The following CFAP126 variants were observed in gnomAD, a reference collection of about 807,000 sequenced individuals.
The protein encoded by CFAP126 is cilia and flagella associated protein 126, also known as protein Flattop.
Under a neutral mutation model 17.1 loss-of-function variants are expected in CFAP126, and 21 were observed. The ratio of observed to expected loss-of-function variants is 1.23; its 90% confidence interval spans 0.87 to 1.77. CFAP126 has a LOEUF of 1.77. Among genes scored for constraint, CFAP126 ranks in the 40% most tolerant of loss-of-function variants. The pLI, the probability that CFAP126 is intolerant of heterozygous loss-of-function variation, is 0.00. For synonymous variants in CFAP126, 65 were observed against 73.5 expected, an observed-to-expected ratio of 0.88 and a Z score of 0.59; for missense variants, 174 against 215.4, an observed-to-expected ratio of 0.81 and a Z score of 1.20.
intron 3 of CFAP126, 175 bp downstream of exon 3, chr1:161,366,023 A>T (rs1029450312): frequency 1.5e-6 from 1 of 654,592 alleles, no homozygotes; most frequent in Non-Finnish European, 2.7e-6. Flanking sequence ...GAAGGGTGCT[A>T]AACACAACTC....
Position 161,367,864 on chromosome 1 carries a change from G to T in CFAP126, c.5C>A (p.Ala2Asp). Residue 2 changes from alanine to aspartate, a missense_variant, in exon 1 of 5, where the codon GCC (alanine) becomes GAC (aspartate). Transcript: ENST00000367974. Reference protein sequence around the residue: MATNYSANQYEK... With the variant: MDTNYSANQYEK... ...TACCTGGTTGGCACTGTAGTTAGTG[G>T]CCATGATCTTGTGCTGTTTACACTC... is the stretch of plus-strand genomic sequence containing the variant. 1 of 1,614,028 alleles carries T rather than the reference G, an allele frequency of 6.2e-7. No homozygotes were observed. Among genetic ancestry groups the T allele is most frequent in the Non-Finnish European group, 8.5e-7 (1 of 1,179,914 alleles).
At position 161,365,641 on chromosome 1, in the gene CFAP126, C is replaced by T. The variant is rs149688361; in HGVS notation, c.233G>A (p.Arg78Gln). 1,566 of 1,613,762 alleles carry T rather than the reference C, an allele frequency of 9.7e-4. 3 individuals are homozygous for T. The highest frequency in any genetic ancestry group is 1.1e-3 in the Non-Finnish European group (1,340 of 1,179,858). Residue 78 changes from arginine (R) to glutamine (Q), a missense_variant, in exon 4 of 5, where the codon CGG (arginine) becomes CAG (glutamine). Transcript: ENST00000367974. ...WQMPLKIPPARVTLTSRTTAG... is the reference protein window; with the variant it reads ...WQMPLKIPPAQVTLTSRTTAG... ...AGTTGTACGGGAGGTCAGGGTCACC[C>T]GAGCAGGGGGTATCTTCAGAGGCAT...
In CFAP126 at chr1:161,366,282, G is replaced by A. The variant is rs746002133; in HGVS notation, c.91-4C>T. 3.1e-6 allele frequency: 5 copies of A among 1,611,954 alleles called. No individual in the cohort carries two copies. The East Asian group carries it at 8.9e-5, about 29-fold the overall frequency. On this transcript the variant is annotated splice_region_variant and splice_polypyrimidine_tract_variant and intron_variant, in intron 2 of 4. Transcript: ENST00000367974. ...AGCCTTCATGAGAAGAGATGCTCTGGGGTACAAGTGGGAGAGATAAAGGTT... is the reference window on the plus strand; with the variant it reads ...AGCCTTCATGAGAAGAGATGCTCTGAGGTACAAGTGGGAGAGATAAAGGTT...
At position 161,366,205 on chromosome 1, in the gene CFAP126, C is replaced by A; in HGVS notation, c.164G>T (p.Arg55Leu). The A allele has an allele frequency of 6.2e-7, 1 of 1,608,872 alleles. No homozygotes were observed. The highest frequency in any genetic ancestry group is 8.5e-7 in the Non-Finnish European group (1 of 1,175,298). ...DRGHLLPSVP[R>L]SKANPWGSFM... ...GTGAAGATAGTATCTCACCTTGGAA[C>A]GGGGCACAGAAGGCAGTAGATGACC... Residue 55 changes from arginine to leucine, a missense_variant, in exon 3 of 5, where the codon CGT becomes CTT. Coordinates refer to ENST00000367974, the MANE Select transcript of CFAP126 (RefSeq NM_001013625.4).
At position 161,366,126 on chromosome 1, in the gene CFAP126, G is replaced by A. The variant is rs565209469; in HGVS notation, c.171+72C>T. ...TTAATTTTCCCGATAATGGCTGTGA[G>A]AGACTGCACATCTCCCAGTTCTGTG... On this transcript the variant is annotated intron_variant, in intron 3 of 4. Coordinates refer to ENST00000367974, the MANE Select transcript of CFAP126 (RefSeq NM_001013625.4). 1.3e-4 allele frequency: 158 copies of A among 1,215,378 alleles called. No homozygotes were observed. In the African/African-American group the frequency reaches 2.1e-3, roughly 16 times the overall value. The allele number at this position is 1,215,378 out of a possible 1,614,324, so 75.3% of individuals were successfully genotyped here. A position where few individuals can be genotyped will look rare whatever the true frequency, so the allele number is the denominator to read the frequency against.
chr1:161,367,316 A>G (rs1203080474), intron 1 of CFAP126: 3 of 152,740 alleles, frequency 2.0e-5, no homozygotes, highest in African/African-American at 7.2e-5. Context: ...TATGGGCCAT[A>G]TCCATATTGC....
chr1:161,365,732 G>A, intron 3 of CFAP126, 30 bp from the exon 4 acceptor site: 9 of 1,531,886 alleles, frequency 5.9e-6, no homozygotes, highest in Non-Finnish European at 7.9e-6. Context: ...CCTCAGTAGG[G>A]CTTCTCACTC....
At chr1:161,366,318 A>G in intron 2 of CFAP126, 40 bp from the exon 3 acceptor site, 1 of 1,585,232 alleles carries the variant, frequency 6.3e-7, no homozygotes, top group South Asian at 1.1e-5. Flanking sequence ...TGTGAGGGGA[A>G]AAAGGGAAGT....
At chr1:161,365,967 T>A in intron 3 of CFAP126, 1 of 607,842 alleles carries the variant, frequency 1.6e-6, no homozygotes, top group East Asian at 2.8e-5. Flanking sequence ...TGTCATCACC[T>A]GAAGGCTTTC....
chr1:161,367,583 C>A, intron 1 of CFAP126: 1 of 394,940 alleles, frequency 2.5e-6, no homozygotes. Context: ...TGCCACTTGG[C>A]CTGCAAAGCC....
chr1:161,367,700 C>A (rs886848590), intron 1 of CFAP126, 142 bp downstream of exon 1: 21 of 804,126 alleles, frequency 2.6e-5, no homozygotes, highest in Non-Finnish European at 3.9e-5. Context: ...TGGGCTCTCT[C>A]TATCCCTGAG....
At chr1:161,365,432 T>C in intron 4 of CFAP126, 94 bp downstream of exon 4, 1 of 1,448,298 alleles carries the variant, frequency 6.9e-7, no homozygotes. Context: ...AGGTCCCCCA[T>C]GCTGGGATAG....
chr1:161,366,742 A>C, intron 1 of CFAP126: 1 of 528,430 alleles, frequency 1.9e-6, no homozygotes, highest in East Asian at 3.0e-5. Context: ...GGTGCTTTGT[A>C]AATATGAAAT....
Position 161,365,638 on chromosome 1 carries a change from A to ACC in CFAP126, c.234_235dup (p.Val79GlyfsTer2), listed in dbSNP as rs1261213475. The ACC allele has an allele frequency of 3.1e-6, 5 of 1,613,990 alleles. No homozygotes were observed. The East Asian group carries it at 1.1e-4, about 36-fold the overall frequency. The stretch of plus-strand genomic sequence containing the variant: ...AGCAGTTGTACGGGAGGTCAGGGTC[A>ACC]CCCGAGCAGGGGGTATCTTCAGAGG... On this transcript the variant is annotated frameshift_variant, in exon 4 of 5. Coordinates refer to ENST00000367974, the MANE Select transcript of CFAP126 (RefSeq NM_001013625.4). LOFTEE classifies it high-confidence loss of function.
intron 4 of CFAP126, 90 bp downstream of exon 4, chr1:161,365,436 G>T (rs1672694700): frequency 6.8e-7 from 1 of 1,463,526 alleles, no homozygotes; most frequent in African/African-American, 1.4e-5. Context: ...CCCCCATGCT[G>T]GGATAGTGGT....
rs138694874 is a variant in CFAP126, at chr1:161,365,571, A to G, written c.303T>C (p.Asp101=). The G allele has an allele frequency of 5.0e-6, 8 of 1,614,182 alleles. No homozygotes were observed. In the African/African-American group the frequency reaches 1.1e-4, roughly 22 times the overall value. The change falls in exon 4 of 5, where the codon GAT becomes GAC. Residue 101 remains aspartate (D), a synonymous_variant. Transcript: ENST00000367974. Reference sequence around the variant, plus strand: ...ACAGCCCATTGGAGGCCTTGAGTAAATCAGGATTTTTCTGTATCCATTTGG... The same window carrying G: ...ACAGCCCATTGGAGGCCTTGAGTAAGTCAGGATTTTTCTGTATCCATTTGG... ...SLTKWIQKNP[D]LLKASNGLCP... is the part of the protein sequence containing the mutation.
intron 1 of CFAP126, 25 bp from the exon 2 acceptor site, chr1:161,366,526 C>G (rs1401593905): frequency 6.2e-7 from 1 of 1,608,012 alleles, no homozygotes; most frequent in East Asian, 2.2e-5. Flanking sequence ...ATAAGTAGCC[C>G]TATGAGACTT....
At chr1:161,365,244 A>G (rs1672687932) in intron 4 of CFAP126, 94 bp from the exon 5 acceptor site, 13 of 1,277,888 alleles carry the variant, frequency 1.0e-5, no homozygotes, top group Admixed American at 2.1e-5. Context: ...CTTTCTCCCC[A>G]TACCATGGGC....
At chr1:161,366,833 G>T (rs776687139) in intron 1 of CFAP126, 3 of 314,812 alleles carry the variant, frequency 9.5e-6, no homozygotes, top group Non-Finnish European at 1.8e-5. Context: ...GGAGTCAGTG[G>T]CATGATCCTA....
Sources: gnomAD v4.1 joint callset for allele counts on GRCh38, gnomAD v4.1.1 for gene constraint, MANE v1.5 for transcripts, NCBI Gene and HGNC (gene_info 2026-07-23, HGNC 2026-07-21) for gene names.